Variants in PYROXD1 observed in about 807,000 individuals in gnomAD.
The protein encoded by PYROXD1 is pyridine nucleotide-disulphide oxidoreductase domain 1, also known as tRNA ligase complex-associated NAD(P)H dehydrogenase PYROXD1.
Under a neutral mutation model 62.0 loss-of-function variants are expected in PYROXD1, and 42 were observed. That is an observed-to-expected ratio of 0.68 (90% CI 0.53 to 0.88). The LOEUF (loss-of-function observed/expected upper bound fraction) is 0.88. PYROXD1 is among the 40% of genes least tolerant of loss of function. The pLI is 0.00. For synonymous variants in PYROXD1, 170 were observed against 206.4 expected (o/e 0.82, Z 1.51); for missense variants, 493 against 604.8 (o/e 0.82, Z 1.94).
chr12:21,453,380 C>G (rs1297295053), intron 5 of PYROXD1, among the ~76,000 whole-genome samples: 2 of 151,978 alleles, frequency 1.3e-5, no homozygotes, highest in East Asian at 3.9e-4. Context: ...GACTTGAGGT[C>G]TGCTGCGTGA....
At chr12:21,454,020 A>G (rs1415383045) in intron 5 of PYROXD1, among the ~76,000 whole-genome samples, 1 of 117,978 alleles carries the variant, frequency 8.5e-6, no homozygotes, top group Non-Finnish European at 1.8e-5. Flanking sequence ...ATAATCTTCT[A>G]TGTTTACTGA....
intron 7 of PYROXD1, among the ~76,000 whole-genome samples, chr12:21,458,318 G>A (rs1942636172): frequency 6.6e-6 from 1 of 152,134 alleles, no homozygotes; most frequent in African/African-American, 2.4e-5. Context: ...AAACAGTTAG[G>A]GGCTTACTCT....
chr12:21,441,596 C>T (rs1942296724), intron 2 of PYROXD1, among the ~76,000 whole-genome samples: 1 of 152,020 alleles, frequency 6.6e-6, no homozygotes, highest in Non-Finnish European at 1.5e-5. Flanking sequence ...TCATTCATTG[C>T]ATCTTTCATC....
chr12:21,457,429 G>T (rs1942618099), intron 7 of PYROXD1, among the ~76,000 whole-genome samples: 2 of 133,722 alleles, frequency 1.5e-5, no homozygotes, highest in African/African-American at 5.7e-5. Context: ...ATTTTGAAAT[G>T]AATCTTTTTT....
intron 2 of PYROXD1, 92 bp downstream of exon 2, chr12:21,440,540 T>A: frequency 1.4e-6 from 1 of 719,812 alleles, no homozygotes; most frequent in Non-Finnish European, 2.4e-6. Context: ...TTTTTCTTTC[T>A]TAAAAATTGA....
chr12:21,441,508 C>G (rs1436775270), intron 2 of PYROXD1, among the ~76,000 whole-genome samples: 1 of 152,064 alleles, frequency 6.6e-6, no homozygotes, highest in Non-Finnish European at 1.5e-5. Context: ...TTCAAATAAT[C>G]TGTCTTCAGA....
intron 10 of PYROXD1, 58 bp from the exon 11 acceptor site, chr12:21,467,423 A>G (rs1942818118): frequency 1.3e-6 from 2 of 1,508,986 alleles, no homozygotes; most frequent in Admixed American, 2.0e-5. Flanking sequence ...CAAGGTTAAC[A>G]TTTTTCAGAT....
At position 21,467,542 on chromosome 12, in the gene PYROXD1, C is replaced by T. The variant is rs568225764; in HGVS notation, c.1178C>T (p.Ala393Val). ...TATGCAGCAAAGTGCATGGCTGCAG[C>T]GAGTTCAGGAGACTCTATTGACATG... ...GWYAAKCMAA[A>V]SSGDSIDMDF... The change falls in exon 11 of 12, where the codon GCG becomes GTG. Residue 393 changes from alanine to valine, a missense_variant. Physicochemically the swap from Ala to Val is moderately conservative, Grantham distance 64. Around this residue, in one of 2 missense-constraint regions of PYROXD1, gnomAD observed 329 missense variants for 446.6 expected, o/e 0.74. Transcript: ENST00000240651. 8.7e-6 allele frequency: 14 copies of T among 1,610,640 alleles called. No individual in the cohort carries two copies. The highest frequency in any genetic ancestry group is 4.4e-5 in the South Asian group (4 of 90,870).
intron 9 of PYROXD1, among the ~76,000 whole-genome samples, chr12:21,462,342 A>G (rs1010884879): frequency 1.3e-4 from 20 of 152,186 alleles, no homozygotes; most frequent in Non-Finnish European, 2.1e-4. Flanking sequence ...AATGGTTTAT[A>G]ATGTACAATT....
At chr12:21,458,578 T>G (rs1242695872) in intron 7 of PYROXD1, among the ~76,000 whole-genome samples, 2 of 152,176 alleles carry the variant, frequency 1.3e-5, no homozygotes, top group Admixed American at 6.5e-5. Context: ...TACCTTTTGA[T>G]TTAAAGTGAG....
At position 21,455,999 on chromosome 12, in the gene PYROXD1, GA is replaced by G; in HGVS notation, c.659del (p.Lys220ArgfsTer12). ...KRTRYTTEGR[K>X]KEARSKSKAD... Reference sequence around the variant, plus strand: ...TATTTAATTTCATCTCTTTAGGAAGGAAAAAGGAAGCTAGAAGCAAATCTAA... The same window carrying G: ...TATTTAATTTCATCTCTTTAGGAAGGAAAAGGAAGCTAGAAGCAAATCTAA... On this transcript the variant is annotated frameshift_variant, in exon 7 of 12. Coordinates refer to ENST00000240651, the MANE Select transcript of PYROXD1 (RefSeq NM_024854.5). LOFTEE classifies it high-confidence loss of function. The G allele has an allele frequency of 1.9e-6, 3 of 1,598,822 alleles. No individual in the cohort carries two copies. Among genetic ancestry groups the G allele is most frequent in the Admixed American group, 1.7e-5 (1 of 58,654 alleles).
intron 7 of PYROXD1, among the ~76,000 whole-genome samples, chr12:21,459,746 A>G (rs1364432053): frequency 6.6e-6 from 1 of 152,228 alleles, no homozygotes; most frequent in East Asian, 1.9e-4. Flanking sequence ...CTTAGTGTGT[A>G]GAAAACACCC....
intron 5 of PYROXD1, among the ~76,000 whole-genome samples, chr12:21,453,857 T>G (rs1195099162): frequency 2.0e-5 from 3 of 152,012 alleles, no homozygotes; most frequent in Admixed American, 6.6e-5. Flanking sequence ...ATAGAGAAAT[T>G]CCCAGTTTTT....
rs767244558 is a variant in PYROXD1 at position 21,462,710 on chromosome 12, C to T, written c.994-30C>T. On this transcript the variant is annotated intron_variant, in intron 9 of 11. Transcript: ENST00000240651. ...GAAAAAGTCGTTTCATTTTTCTTAA[C>T]ACTTAACGCTTATGAGGAATGTTGT... The T allele has an allele frequency of 5.6e-6, 9 of 1,598,140 alleles. No homozygotes were observed. In the East Asian group the frequency reaches 2.1e-4, roughly 36 times the overall value.
chr12:21,447,191 A>G (rs1397373873), intron 3 of PYROXD1, among the ~76,000 whole-genome samples: 1 of 152,184 alleles, frequency 6.6e-6, no homozygotes, highest in Non-Finnish European at 1.5e-5. Flanking sequence ...TATGAGTTCT[A>G]GCTCATAAAT....
Position 21,445,604 on chromosome 12 carries a change from T to G in PYROXD1, c.285+138T>G, listed in dbSNP as rs983243361. 27 of 876,238 alleles carry G rather than the reference T, an allele frequency of 3.1e-5. No homozygotes were observed. In the Admixed American group the frequency reaches 9.7e-4, roughly 32 times the overall value. The allele number at this position is 876,238 out of a possible 1,614,324, so 54.3% of individuals were successfully genotyped here. On this transcript the variant is annotated intron_variant, in intron 3 of 11. Transcript: ENST00000240651. ...AAAGTTTAGTGACATTGATTTCCAG[T>G]ATTATTAGAAAAAATACAGTTTTTG... is the stretch of plus-strand genomic sequence containing the variant.
At chr12:21,459,336 A>C (rs1942653342) in intron 7 of PYROXD1, among the ~76,000 whole-genome samples, 1 of 152,178 alleles carries the variant, frequency 6.6e-6, no homozygotes, top group African/African-American at 2.4e-5. Context: ...GAACATGTGG[A>C]AGTTGCTAGA....
chr12:21,443,138 T>A (rs181091566), intron 2 of PYROXD1, among the ~76,000 whole-genome samples: 1 of 152,336 alleles, frequency 6.6e-6, no homozygotes, highest in East Asian at 1.9e-4. Flanking sequence ...TTGAGAGTTA[T>A]TTTAAAAAAG....
At position 21,462,111 on chromosome 12, in the gene PYROXD1, T is replaced by C. The variant is rs1353503729; in HGVS notation, c.984T>C (p.His328=). ...GVTPNVEPFL[H]GNSFDLGEDG... is the part of the protein sequence containing the mutation. ...CACCAAATGTAGAACCTTTTCTCCA[T>C]GGTAACAGTGTAAGGTGAAATTTTT... Residue 328 remains histidine (H), a synonymous_variant, in exon 9 of 12, where the codon CAT becomes CAC. Transcript: ENST00000240651. 15 of 1,604,834 alleles carry C rather than the reference T, an allele frequency of 9.3e-6. No individual in the cohort carries two copies. Among genetic ancestry groups the C allele is most frequent in the Non-Finnish European group, 3.4e-6 (4 of 1,172,192 alleles).
Sources: allele counts gnomAD v4.1 joint callset (sites outside exome capture counted in the v4.1 genomes callset), GRCh38; gene constraint gnomAD v4.1.1; regional missense constraint gnomAD v4.1.1; transcripts MANE v1.5; gene names NCBI Gene and HGNC (gene_info 2026-07-23, HGNC 2026-07-21).